INPP5A: variants seen among roughly 807,000 people sequenced by gnomAD.
INPP5A encodes the protein inositol polyphosphate-5-phosphatase A, also known as 43 kDa inositol polyphosphate 5-phophatase.
A neutral mutation model predicts 65.2 loss-of-function variants in INPP5A; 14 were observed. That is an observed-to-expected ratio of 0.21 (90% CI 0.14 to 0.34). INPP5A has a LOEUF of 0.34. Among genes scored for constraint, INPP5A ranks in the 10% least tolerant of loss-of-function variants. The pLI, the probability that INPP5A is intolerant of heterozygous loss-of-function variation, is 1.00. For synonymous variants in INPP5A, 207 were observed against 208.3 expected (o/e 0.99, Z 0.05); for missense variants, 431 against 545.6 (o/e 0.79, Z 2.09).
In INPP5A at chr10:132,658,558, G is replaced by A. The variant is rs796909348; in HGVS notation, c.306+8053G>A. Among the ~76,000 whole-genome samples the A allele has an allele frequency of 6.8e-4, 103 of 152,352 alleles. 1 individual carries two copies. Among genetic ancestry groups the A allele is most frequent in the African/African-American group, 2.2e-3 (91 of 41,576 alleles). On this transcript the variant is annotated intron_variant, in intron 4 of 15. Coordinates refer to ENST00000368594, the MANE Select transcript of INPP5A (RefSeq NM_005539.5). ...GGCTCCGTGCGTTCTGAGCAGACGG[G>A]TGTTTCCTGGCTGCAGGCCGGGCCT...
Position 132,723,398 on chromosome 10 carries a change from C to T in INPP5A, c.648-3423C>T, listed in dbSNP as rs181789048. The stretch of plus-strand genomic sequence containing the variant: ...GCTGTTTGTTTAGCCAACTGACGGC[C>T]GCGTCTGTTCCTGCGACACCGCACA... On this transcript the variant is annotated intron_variant, in intron 8 of 15. Coordinates refer to ENST00000368594, the MANE Select transcript of INPP5A (RefSeq NM_005539.5). Among the ~76,000 whole-genome samples the T allele has an allele frequency of 1.8e-4, 27 of 152,198 alleles. No individual in the cohort carries two copies. The East Asian group carries it at 4.1e-3, about 23-fold the overall frequency.
At chr10:132,755,450 A>G (rs1590987932) in intron 11 of INPP5A, among the ~76,000 whole-genome samples, 2 of 125,412 alleles carry the variant, frequency 1.6e-5, no homozygotes, top group Non-Finnish European at 3.3e-5. Context: ...GCATGAGAGC[A>G]GGTGTGAGCG....
chr10:132,700,188 T>C (rs1227637792), intron 6 of INPP5A, among the ~76,000 whole-genome samples: 2 of 152,240 alleles, frequency 1.3e-5, no homozygotes, highest in East Asian at 1.9e-4. Flanking sequence ...AGGCACATTC[T>C]GGAAAGTAGA....
At chr10:132,654,734 T>G (rs943671980) in intron 4 of INPP5A, among the ~76,000 whole-genome samples, 1 of 152,188 alleles carries the variant, frequency 6.6e-6, no homozygotes, top group African/African-American at 2.4e-5. Context: ...TGAAATGAAT[T>G]TATCTTGTAC....
intron 1 of INPP5A, among the ~76,000 whole-genome samples, chr10:132,566,617 T>G (rs2071277758): frequency 6.6e-6 from 1 of 152,254 alleles, no homozygotes; most frequent in Non-Finnish European, 1.5e-5. Flanking sequence ...AGAAGAAACC[T>G]TGTTAGGTTA....
chr10:132,718,514 G>A (rs1303479998), intron 8 of INPP5A, among the ~76,000 whole-genome samples: 1 of 150,534 alleles, frequency 6.6e-6, no homozygotes, highest in Non-Finnish European at 1.5e-5. Context: ...GCTGTCTTGC[G>A]GGTTCTGTGG....
At position 132,777,732 on chromosome 10, in the gene INPP5A, T is replaced by C; in HGVS notation, c.1039T>C (p.Trp347Arg). Residue 347 changes from tryptophan (W) to arginine (R), a missense_variant, in exon 13 of 16, where the codon TGG (tryptophan) becomes CGG (arginine). By Grantham distance (101) the Trp-to-Arg change is moderately radical. Coordinates refer to ENST00000368594, the MANE Select transcript of INPP5A (RefSeq NM_005539.5). ...EQYMNTRCPA[W>R]CDRILMSPSA... ...GTACATGAACACCCGGTGCCCAGCC[T>C]GGTGTGACCGCATCCTCATGTCCCC... 1 of 1,613,078 alleles carries C rather than the reference T, an allele frequency of 6.2e-7. No homozygotes were observed. Among genetic ancestry groups the C allele is most frequent in the Non-Finnish European group, 8.5e-7 (1 of 1,180,000 alleles).
intron 2 of INPP5A, among the ~76,000 whole-genome samples, chr10:132,612,712 C>A (rs1218858649): frequency 6.6e-6 from 1 of 152,210 alleles, no homozygotes; most frequent in East Asian, 1.9e-4. Context: ...AGGGGCTGGG[C>A]TGTGGCTGGA....
At chr10:132,610,508 G>A (rs1286897171) in intron 2 of INPP5A, among the ~76,000 whole-genome samples, 1 of 152,260 alleles carries the variant, frequency 6.6e-6, no homozygotes, top group Non-Finnish European at 1.5e-5. Context: ...TGTGACCTGA[G>A]CACAGAGAGC....
At chr10:132,670,079 A>G (rs2072863268) in intron 4 of INPP5A, among the ~76,000 whole-genome samples, 1 of 84,548 alleles carries the variant, frequency 1.2e-5, no homozygotes, top group South Asian at 3.7e-4. Flanking sequence ...CCATGTCCTC[A>G]GCTTCCAATC....
chr10:132,778,440 G>A (rs1298778241), intron 13 of INPP5A, among the ~76,000 whole-genome samples: 1 of 151,254 alleles, frequency 6.6e-6, no homozygotes, highest in African/African-American at 2.4e-5. Context: ...CAGACTACAG[G>A]CAGGAGCCAC....
At chr10:132,658,347 T>C (rs1428827229) in intron 4 of INPP5A, among the ~76,000 whole-genome samples, 1 of 152,226 alleles carries the variant, frequency 6.6e-6, no homozygotes. Flanking sequence ...GCTTATGAGG[T>C]GCTCCTAATC....
intron 4 of INPP5A, among the ~76,000 whole-genome samples, chr10:132,688,642 TGA>T (rs1373932587): frequency 3.4e-5 from 5 of 148,146 alleles, no homozygotes; most frequent in African/African-American, 1.0e-4. Flanking sequence ...TGCGTGTGCA[TGA>T]GTGTGTGTGC....
At chr10:132,613,877 G>A (rs1347917116) in intron 2 of INPP5A, among the ~76,000 whole-genome samples, 3 of 152,168 alleles carry the variant, frequency 2.0e-5, no homozygotes, top group South Asian at 2.1e-4. Context: ...TGACTGTTTC[G>A]GGTGTTTTTA....
At chr10:132,583,416 T>A (rs35716271) in intron 1 of INPP5A, among the ~76,000 whole-genome samples, 24,208 of 152,218 alleles carry the variant, frequency 0.16, 2,317 homozygotes, top group Admixed American at 0.26. Flanking sequence ...CTCGTTGGGC[T>A]GGTCAGGACC....
At chr10:132,658,167 G>A (rs145853596) in intron 4 of INPP5A, among the ~76,000 whole-genome samples, 2,331 of 152,312 alleles carry the variant, frequency 0.015, 27 homozygotes, top group Middle Eastern at 0.051. Flanking sequence ...AACACCTTCC[G>A]AAGTTTTTGG....
intron 1 of INPP5A, among the ~76,000 whole-genome samples, chr10:132,568,450 G>A (rs949482403): frequency 1.3e-5 from 2 of 152,110 alleles, no homozygotes; most frequent in Non-Finnish European, 2.9e-5. Context: ...TGTGGCCTGG[G>A]CACAGTGGCT....
At chr10:132,632,143 G>A (rs958673680) in intron 2 of INPP5A, among the ~76,000 whole-genome samples, 12 of 152,360 alleles carry the variant, frequency 7.9e-5, no homozygotes, top group African/African-American at 2.9e-4. Flanking sequence ...TGACCCAAGC[G>A]TGCTGTCCGA....
At chr10:132,689,808 A>G (rs896448923) in intron 4 of INPP5A, among the ~76,000 whole-genome samples, 2 of 152,218 alleles carry the variant, frequency 1.3e-5, no homozygotes, top group Non-Finnish European at 2.9e-5. Flanking sequence ...TATGAAGAGC[A>G]GGGATCCCTG....
Sources: gnomAD v4.1 joint callset for allele counts (sites outside exome capture counted in the v4.1 genomes callset) on GRCh38, gnomAD v4.1.1 for gene constraint, MANE v1.5 for transcripts, NCBI Gene and HGNC (gene_info 2026-07-23, HGNC 2026-07-21) for gene names.